ROBO1: variants seen among roughly 807,000 people sequenced by gnomAD.
ROBO1 encodes the protein roundabout homolog 1.
ROBO1 carries 149 observed loss-of-function variants against 195.9 expected under a neutral mutation model. The ratio of observed to expected loss-of-function variants is 0.76; its 90% CI spans 0.67 to 0.87. The LOEUF is 0.87. Ranked by LOEUF, ROBO1 falls within the 40% of genes least tolerant of loss-of-function variation. The pLI is 0.00. For synonymous variants in ROBO1, 816 were observed against 733.2 expected, an observed-to-expected ratio of 1.11 and a Z score of -1.82; for missense variants, 1,933 against 2,068.3, an observed-to-expected ratio of 0.93 and a Z score of 1.27.
intron 1 of ROBO1, among the ~76,000 whole-genome samples, chr3:79,666,910 T>A (rs768888532): frequency 6.6e-6 from 1 of 151,932 alleles, no homozygotes; most frequent in African/African-American, 2.4e-5. Context: ...ATAAACTAAC[T>A]TTATTTATAC....
intron 1 of ROBO1, among the ~76,000 whole-genome samples, chr3:79,619,518 A>G (rs984213235): frequency 6.6e-6 from 1 of 152,060 alleles, no homozygotes; most frequent in Non-Finnish European, 1.5e-5. Context: ...CAAGATCTAG[A>G]TAACCCTTCT....
intron 1 of ROBO1, among the ~76,000 whole-genome samples, chr3:79,666,196 A>C (rs557124422): frequency 6.6e-6 from 1 of 152,026 alleles, no homozygotes; most frequent in African/African-American, 2.4e-5. Flanking sequence ...ACAAACATTA[A>C]TTTATACAAT....
intron 2 of ROBO1, among the ~76,000 whole-genome samples, chr3:79,401,609 T>C (rs1381599914): frequency 6.6e-6 from 1 of 151,866 alleles, no homozygotes; most frequent in Non-Finnish European, 1.5e-5. Flanking sequence ...TTTTAAATAC[T>C]ACTGAACATC....
intron 2 of ROBO1, among the ~76,000 whole-genome samples, chr3:79,576,192 A>G (rs1246140864): frequency 6.6e-6 from 1 of 151,994 alleles, no homozygotes; most frequent in East Asian, 1.9e-4. Context: ...GAAGTTAATT[A>G]TATTTATATT....
At chr3:78,733,778 C>A (rs139805710) in intron 5 of ROBO1, among the ~76,000 whole-genome samples, 202 of 152,242 alleles carry the variant, frequency 1.3e-3, no homozygotes, top group Non-Finnish European at 2.2e-3. Context: ...TCCCACTAGT[C>A]CTTGGCTATT....
chr3:78,667,915 G>C lies in ROBO1; in HGVS notation c.1934C>G (p.Pro645Arg), dbSNP rs1200630074. 1 of 1,613,622 alleles carries C rather than the reference G, an allele frequency of 6.2e-7. No homozygotes were observed. The highest frequency in any genetic ancestry group is 8.5e-7 in the Non-Finnish European group (1 of 1,179,698). The change falls in exon 14 of 31, where the codon CCA (proline) becomes CGA (arginine). Residue 645 changes from proline (P) to arginine (R), a missense_variant. By Grantham distance (103) the Pro-to-Arg change is moderately radical. This residue lies in a region of ROBO1 where 1,737 missense variants were observed against 1,882.5 expected (regional missense o/e 0.92). Transcript: ENST00000464233. ...TTTCACTGGATCTGATATTTGGCTT[G>C]GATCACTAATTCCATATGCATTAGC... is the stretch of plus-strand genomic sequence containing the variant. Reference protein sequence around the residue: ...RAANAYGISDPSQISDPVKTQ... With the variant: ...RAANAYGISDRSQISDPVKTQ...
chr3:78,661,154 G>C lies in ROBO1; in HGVS notation c.2196C>G (p.Ala732=), dbSNP rs377424925. The change falls in exon 16 of 31, where the codon GCC becomes GCG. Residue 732 remains alanine (A), a synonymous_variant. Transcript: ENST00000464233. ...GATCAGGGATTACCACACTGTTTTT[G>C]GCTGGCGTCCTCACTTCAAAAACTA... ...DWLVFEVRTP[A]KNSVVIPDLR... is the part of the protein sequence containing the mutation. 3.2e-5 allele frequency: 51 copies of C among 1,613,572 alleles called. No individual in the cohort carries two copies. In the African/African-American group the frequency reaches 6.7e-4, roughly 21 times the overall value.
intron 3 of ROBO1, among the ~76,000 whole-genome samples, chr3:78,953,409 C>T (rs181340228): frequency 3.9e-5 from 6 of 152,148 alleles, no homozygotes; most frequent in South Asian, 2.1e-4. Context: ...CTCTCAATCT[C>T]CCATCCACCA....
intron 3 of ROBO1, among the ~76,000 whole-genome samples, chr3:78,955,013 T>A (rs1576462968): frequency 1.3e-5 from 2 of 151,316 alleles, no homozygotes; most frequent in Admixed American, 1.3e-4. Flanking sequence ...ATAGGTAAAC[T>A]GTGTGTCATG....
intron 2 of ROBO1, among the ~76,000 whole-genome samples, chr3:79,246,499 G>A (rs957435520): frequency 6.6e-6 from 1 of 152,066 alleles, no homozygotes; most frequent in Non-Finnish European, 1.5e-5. Context: ...TGGTTGGAAA[G>A]CCTGCTTAAA....
intron 24 of ROBO1, among the ~76,000 whole-genome samples, chr3:78,632,360 C>T (rs756771598): frequency 4.6e-5 from 7 of 152,170 alleles, no homozygotes; most frequent in African/African-American, 1.2e-4. Flanking sequence ...CCACACTAAG[C>T]GTGGGCTAGG....
intron 3 of ROBO1, among the ~76,000 whole-genome samples, chr3:79,101,267 T>C (rs1465874484): frequency 6.6e-6 from 1 of 151,788 alleles, no homozygotes; most frequent in Non-Finnish European, 1.5e-5. Context: ...CAAGCCATGT[T>C]TGAGAACAAA....
At chr3:79,443,914 G>C (rs573484218) in intron 2 of ROBO1, among the ~76,000 whole-genome samples, 2 of 151,604 alleles carry the variant, frequency 1.3e-5, no homozygotes, top group Admixed American at 1.3e-4. Context: ...GGTATTACAA[G>C]TCAGTGAAGG....
intron 4 of ROBO1, among the ~76,000 whole-genome samples, chr3:78,874,580 G>C (rs1325885313): frequency 1.3e-5 from 2 of 151,694 alleles, no homozygotes; most frequent in African/African-American, 4.8e-5. Flanking sequence ...AAAACTTTAT[G>C]TCATACACTT....
chr3:78,941,898 A>C (rs1432615698), intron 3 of ROBO1, among the ~76,000 whole-genome samples: 4 of 152,198 alleles, frequency 2.6e-5, no homozygotes, highest in Admixed American at 6.5e-5. Context: ...TAAGCAATGG[A>C]TGAGTATCAT....
chr3:79,696,164 T>C lies in ROBO1; in HGVS notation c.-51+71588A>G, dbSNP rs139302295. 5.3e-3 allele frequency among the ~76,000 whole-genome samples: 802 copies of C among 151,572 alleles called. 3 individuals carry two copies. Among genetic ancestry groups the C allele is most frequent in the African/African-American group, 0.018 (764 of 41,490 alleles). Reference sequence around the variant, plus strand: ...TCTACATATTTCAATTGTATATTTTTGTAGCCTGCAACTTTTCCTCCAAGA... The same window carrying C: ...TCTACATATTTCAATTGTATATTTTCGTAGCCTGCAACTTTTCCTCCAAGA... On this transcript the variant is annotated intron_variant, in intron 1 of 30. Coordinates refer to ENST00000464233, the MANE Select transcript of ROBO1 (RefSeq NM_002941.4).
chr3:78,676,064 AG>A (rs1708404593), intron 10 of ROBO1, among the ~76,000 whole-genome samples: 1 of 152,192 alleles, frequency 6.6e-6, no homozygotes, highest in African/African-American at 2.4e-5. Flanking sequence ...CCAGGCAAAC[AG>A]GGTCTGGAGT....
chr3:79,097,727 T>C (rs935103805), intron 3 of ROBO1, among the ~76,000 whole-genome samples: 8 of 151,744 alleles, frequency 5.3e-5, no homozygotes, highest in Non-Finnish European at 8.8e-5. Flanking sequence ...AGCAAGAATG[T>C]ACCTTTAAAT....
At chr3:79,544,127 G>A (rs988667813) in intron 2 of ROBO1, among the ~76,000 whole-genome samples, 4 of 151,872 alleles carry the variant, frequency 2.6e-5, no homozygotes. Flanking sequence ...AGAAAACAAA[G>A]ATTTTTCATA....
Sources: allele counts gnomAD v4.1 joint callset (sites outside exome capture counted in the v4.1 genomes callset), GRCh38; gene constraint gnomAD v4.1.1; regional missense constraint gnomAD v4.1.1; transcripts MANE v1.5; gene names NCBI Gene and HGNC (gene_info 2026-07-23, HGNC 2026-07-21).